Variants in MEIS2 observed in about 807,000 individuals in gnomAD.
MEIS2 encodes the protein homeobox protein Meis2.
Under a neutral mutation model 58.6 loss-of-function variants are expected in MEIS2, and 9 were observed. The observed-to-expected ratio is 0.15, with a 90% CI of 0.09 to 0.27. The LOEUF (loss-of-function observed/expected upper bound fraction) is 0.27, where lower values mean the gene tolerates loss of function less well. MEIS2 is among the 10% of genes least tolerant of loss of function. The probability of loss-of-function intolerance (pLI) is 1.00; values close to 1 mark genes in which losing one functional copy is unlikely to be tolerated. For missense variants in MEIS2, 427 were observed against 635.0 expected (o/e 0.67, Z 3.52); for synonymous variants, 221 against 228.4 (o/e 0.97, Z 0.29).
rs2057999337 is a variant in MEIS2 at position 36,932,001 on chromosome 15, T to G, written c.977+18323A>C. On this transcript the variant is annotated intron_variant, in intron 9 of 11. Transcript: ENST00000561208. ...GCAGTGCACAAAATCCCTATTAGCA[T>G]GAAGCTCACCAAGGAAGAAAAGTTT... Among the ~76,000 whole-genome samples the G allele has an allele frequency of 2.6e-5, 4 of 152,300 alleles. 1 individual carries two copies. In the South Asian group the frequency reaches 8.3e-4, roughly 32 times the overall value.
intron 8 of MEIS2, among the ~76,000 whole-genome samples, chr15:37,031,556 T>C (rs1047597139): frequency 1.3e-5 from 2 of 152,062 alleles, no homozygotes; most frequent in Non-Finnish European, 2.9e-5. Flanking sequence ...AATATACTTA[T>C]AACTTGGGTG....
chr15:36,974,388 C>A (rs1406716861), intron 8 of MEIS2, among the ~76,000 whole-genome samples: 5 of 152,102 alleles, frequency 3.3e-5, no homozygotes, highest in South Asian at 2.1e-4. Context: ...TGTTCACACT[C>A]CAAAAATCAA....
chr15:36,911,036 C>T (rs1368382653), intron 9 of MEIS2, among the ~76,000 whole-genome samples: 6 of 130,890 alleles, frequency 4.6e-5, no homozygotes, highest in African/African-American at 1.7e-4. Context: ...CAGAGCGCGA[C>T]TCTGTCTCAA....
intron 8 of MEIS2, among the ~76,000 whole-genome samples, chr15:36,951,556 C>T (rs980801078): frequency 1.3e-5 from 2 of 152,000 alleles, no homozygotes; most frequent in East Asian, 1.9e-4. Flanking sequence ...TCTATAATAG[C>T]GTACATTATC....
At position 37,099,535 on chromosome 15, in the gene MEIS2, T is replaced by A; in HGVS notation, c.-69A>T. The stretch of plus-strand genomic sequence containing the variant: ...TATCCCAGTCCGGATAAGAAAGTGA[T>A]CTAGGCTGAAGATTCCTTTTTTTTT... On this transcript the variant is annotated 5_prime_UTR_variant, in exon 1 of 12. Transcript: ENST00000561208. The A allele has an allele frequency of 6.3e-7, 1 of 1,598,290 alleles. No homozygotes were observed. The highest frequency in any genetic ancestry group is 8.5e-7 in the Non-Finnish European group (1 of 1,173,232).
intron 9 of MEIS2, among the ~76,000 whole-genome samples, chr15:36,922,740 C>G (rs1029672042): frequency 1.3e-5 from 2 of 151,206 alleles, no homozygotes; most frequent in Non-Finnish European, 2.9e-5. Flanking sequence ...CCTGCCTCAG[C>G]TTCCCGAGTA....
rs76606742 is a variant in MEIS2 at position 36,922,493 on chromosome 15, C to A, written c.978-25807G>T. 9.2e-3 allele frequency among the ~76,000 whole-genome samples: 1,380 copies of A among 150,450 alleles called. 13 individuals carry two copies. Among genetic ancestry groups the A allele is most frequent in the African/African-American group, 0.03 (1,237 of 40,678 alleles). On this transcript the variant is annotated intron_variant, in intron 9 of 11. Coordinates refer to ENST00000561208, the MANE Select transcript of MEIS2 (RefSeq NM_170675.5). ...TTTTTTTTTTAAATGTTACATTTTA[C>A]GGGAGTTCATCTAAAAGGGCAGAAA...
intron 9 of MEIS2, among the ~76,000 whole-genome samples, chr15:36,928,086 C>G (rs1173859289): frequency 6.6e-6 from 1 of 151,948 alleles, no homozygotes; most frequent in Non-Finnish European, 1.5e-5. Context: ...TTTCAGAATG[C>G]CTCTGTGAAA....
chr15:37,023,815 C>T (rs2061604388), intron 8 of MEIS2, among the ~76,000 whole-genome samples: 1 of 151,958 alleles, frequency 6.6e-6, no homozygotes, highest in Non-Finnish European at 1.5e-5. Context: ...TTCCTGACCT[C>T]CCTCAGCTTT....
chr15:37,055,431 C>T (rs1488470235), intron 7 of MEIS2, among the ~76,000 whole-genome samples: 1 of 152,136 alleles, frequency 6.6e-6, no homozygotes, highest in African/African-American at 2.4e-5. Flanking sequence ...TTTCCCCCCA[C>T]TTCCTAGAGC....
intron 9 of MEIS2, among the ~76,000 whole-genome samples, chr15:36,914,793 C>T (rs938032659): frequency 4.6e-5 from 7 of 151,854 alleles, no homozygotes; most frequent in Admixed American, 6.6e-5. Context: ...TTTCCTCAAC[C>T]GCAGCAACAC....
chr15:36,978,609 CTCAAA>C (rs2059834107), intron 8 of MEIS2, among the ~76,000 whole-genome samples: 1 of 152,208 alleles, frequency 6.6e-6, no homozygotes, highest in African/African-American at 2.4e-5. Flanking sequence ...CAAATTAAGT[CTCAAA>C]TAATCTACCA....
At chr15:36,921,364 C>A (rs953798034) in intron 9 of MEIS2, among the ~76,000 whole-genome samples, 1 of 152,196 alleles carries the variant, frequency 6.6e-6, no homozygotes, top group African/African-American at 2.4e-5. Context: ...GTTCAAGGGA[C>A]AGCCACCCAG....
chr15:37,096,229 G>A, intron 3 of MEIS2, 60 bp downstream of exon 3: 1 of 1,492,396 alleles, frequency 6.7e-7, no homozygotes, highest in Non-Finnish European at 9.0e-7. Context: ...GTAAAGCTCC[G>A]AGGAAAGGGG....
chr15:36,897,672 A>G (rs992480700), intron 9 of MEIS2: 1 of 152,210 alleles, frequency 6.6e-6, no homozygotes. Context: ...AACGACGTGT[A>G]TTCCCCACAC....
chr15:37,054,003 G>A lies in MEIS2; in HGVS notation c.755-17044C>T, dbSNP rs191015227. ...CTGTTATCCGCATTTAACAGATAAA[G>A]CGAGTGAGGTCAAAGTTTTCCTAAC... On this transcript the variant is annotated intron_variant, in intron 7 of 11. Coordinates refer to ENST00000561208, the MANE Select transcript of MEIS2 (RefSeq NM_170675.5). Among the ~76,000 whole-genome samples the A allele has an allele frequency of 9.8e-5, 15 of 152,290 alleles. No individual in the cohort carries two copies. In the East Asian group the frequency reaches 2.9e-3, roughly 29 times the overall value.
At chr15:37,018,352 A>G (rs2061418062) in intron 8 of MEIS2, among the ~76,000 whole-genome samples, 1 of 152,228 alleles carries the variant, frequency 6.6e-6, no homozygotes, top group Non-Finnish European at 1.5e-5. Context: ...GACCTTGCGC[A>G]TGTGCTTCAG....
chr15:37,098,977 T>C (rs1894748076), intron 1 of MEIS2: 2 of 984,704 alleles, frequency 2.0e-6, no homozygotes, highest in African/African-American at 3.5e-5. Context: ...AGGCTAGTAG[T>C]CTAGGCGGCG....
intron 8 of MEIS2, among the ~76,000 whole-genome samples, chr15:37,022,171 CTTTT>C (rs1214247437): frequency 6.6e-6 from 1 of 151,818 alleles, no homozygotes; most frequent in East Asian, 1.9e-4. Context: ...TAGTTGTTTT[CTTTT>C]TTTAACACAT....
Sources: gnomAD v4.1 joint callset for allele counts (sites outside exome capture counted in the v4.1 genomes callset) on GRCh38, gnomAD v4.1.1 for gene constraint, MANE v1.5 for transcripts, NCBI Gene and HGNC (gene_info 2026-07-23, HGNC 2026-07-21) for gene names.